Variants in CLIC4 observed in about 807,000 individuals in gnomAD.
CLIC4 encodes chloride intracellular channel protein 4.
CLIC4 carries 13 observed loss-of-function variants against 24.6 expected under a neutral mutation model. The ratio of observed to expected loss-of-function variants is 0.53; its 90% CI spans 0.34 to 0.84. CLIC4 has a LOEUF of 0.84. CLIC4 is among the 40% of genes least tolerant of loss of function. CLIC4 has a pLI of 0.01. For missense variants in CLIC4, 227 were observed against 301.7 expected (o/e 0.75, Z 1.83); for synonymous variants, 104 against 111.3 (o/e 0.93, Z 0.41).
chr1:24,760,859 T>C (rs1225294122), intron 1 of CLIC4, among the ~76,000 whole-genome samples: 2 of 152,046 alleles, frequency 1.3e-5, no homozygotes, highest in Non-Finnish European at 2.9e-5. Context: ...TTGACAATGA[T>C]AGGGGGTGCT....
chr1:24,778,939 C>T (rs968299303), intron 1 of CLIC4, among the ~76,000 whole-genome samples: 1 of 152,096 alleles, frequency 6.6e-6, no homozygotes, highest in Non-Finnish European at 1.5e-5. Context: ...AAGAAACTCA[C>T]GACATTAATT....
intron 4 of CLIC4, among the ~76,000 whole-genome samples, chr1:24,828,285 A>T (rs1442969135): frequency 6.6e-6 from 1 of 152,172 alleles, no homozygotes; most frequent in East Asian, 1.9e-4. Flanking sequence ...GAAAAATGTT[A>T]GTGCTCAGGT....
intron 3 of CLIC4, among the ~76,000 whole-genome samples, chr1:24,823,034 GAGA>G (rs1280993834): frequency 3.3e-5 from 5 of 152,156 alleles, no homozygotes; most frequent in African/African-American, 1.2e-4. Flanking sequence ...GGAGAAAAAG[GAGA>G]AGAATTGTGC....
rs1173950006 is a variant in CLIC4 at position 24,809,546 on chromosome 1, C to G, written c.183-4548C>G. ...AGTGCAGTGGTGCAATCTCAGCTCA[C>G]TGTAACCTCCGCCTTCCAGCAATTC... On this transcript the variant is annotated intron_variant, in intron 2 of 5. Coordinates refer to ENST00000374379, the MANE Select transcript of CLIC4 (RefSeq NM_013943.3). Among the ~76,000 whole-genome samples the G allele has an allele frequency of 2.0e-5, 3 of 152,198 alleles. No homozygotes were observed. In the East Asian group the frequency reaches 5.8e-4, roughly 29 times the overall value.
intron 2 of CLIC4, 92 bp from the exon 3 acceptor site, chr1:24,814,002 C>A: frequency 6.7e-7 from 1 of 1,488,724 alleles, no homozygotes; most frequent in Non-Finnish European, 9.3e-7. Flanking sequence ...CAGACGCAAG[C>A]CACCGTGCCT....
chr1:24,774,403 G>T (rs1447810137), intron 1 of CLIC4, among the ~76,000 whole-genome samples: 1 of 152,238 alleles, frequency 6.6e-6, no homozygotes, highest in Non-Finnish European at 1.5e-5. Context: ...ATCTGAAAAT[G>T]TCTTGACTTC....
At chr1:24,811,771 C>T (rs1639617934) in intron 2 of CLIC4, among the ~76,000 whole-genome samples, 2 of 151,696 alleles carry the variant, frequency 1.3e-5, no homozygotes, top group South Asian at 4.2e-4. Context: ...TGAGCCACTG[C>T]ACCCAGCCTG....
chr1:24,831,079 T>G (rs1369802563), intron 4 of CLIC4, among the ~76,000 whole-genome samples: 1 of 152,244 alleles, frequency 6.6e-6, no homozygotes, highest in Non-Finnish European at 1.5e-5. Flanking sequence ...TTCATTAATA[T>G]ACCCTTGTTA....
At chr1:24,840,112 G>T in intron 5 of CLIC4, 71 bp downstream of exon 5, 1 of 1,409,494 alleles carries the variant, frequency 7.1e-7, no homozygotes. Flanking sequence ...CATTTCCTTT[G>T]TGCTCAAAAC....
At chr1:24,776,413 C>T (rs1639141448) in intron 1 of CLIC4, among the ~76,000 whole-genome samples, 1 of 152,178 alleles carries the variant, frequency 6.6e-6, no homozygotes, top group Non-Finnish European at 1.5e-5. Flanking sequence ...TCTCCAGTGC[C>T]TTCAGGTGTT....
Position 24,808,990 on chromosome 1 carries a change from T to G in CLIC4, c.183-5104T>G, listed in dbSNP as rs548638666. 2.6e-5 allele frequency among the ~76,000 whole-genome samples: 4 copies of G among 152,220 alleles called. 1 individual carries two copies. The South Asian group carries it at 8.3e-4, about 32-fold the overall frequency. ...ACTGCACATGGCCTTTTAAAAAATA[T>G]TTTTGATCCTCAGTTGGTTGAATCC... On this transcript the variant is annotated intron_variant, in intron 2 of 5. Coordinates refer to ENST00000374379, the MANE Select transcript of CLIC4 (RefSeq NM_013943.3).
chr1:24,815,456 C>G (rs1320822473), intron 3 of CLIC4, among the ~76,000 whole-genome samples: 2 of 152,124 alleles, frequency 1.3e-5, no homozygotes, highest in Non-Finnish European at 2.9e-5. Context: ...GAGCCAAGAT[C>G]GTGCCACTGC....
chr1:24,790,181 C>T lies in CLIC4; in HGVS notation c.73-7561C>T, dbSNP rs1055626376. Among the ~76,000 whole-genome samples the T allele has an allele frequency of 3.3e-5, 5 of 152,234 alleles. No homozygotes were observed. The East Asian group carries it at 5.8e-4, about 18-fold the overall frequency. Reference sequence around the variant, plus strand: ...CTGCCTGCCAGGTTCAAGCAATTCTCCTGCCCCAGCCTCCCGAGTGGCTGG... The same window carrying T: ...CTGCCTGCCAGGTTCAAGCAATTCTTCTGCCCCAGCCTCCCGAGTGGCTGG... On this transcript the variant is annotated intron_variant, in intron 1 of 5. Transcript: ENST00000374379.
chr1:24,779,066 A>G (rs1007523625), intron 1 of CLIC4, among the ~76,000 whole-genome samples: 1 of 152,236 alleles, frequency 6.6e-6, no homozygotes, highest in Admixed American at 6.5e-5. Context: ...AGAGACAGTA[A>G]TGAGATTATC....
intron 1 of CLIC4, among the ~76,000 whole-genome samples, chr1:24,796,438 C>T (rs1054187724): frequency 5.3e-5 from 8 of 151,864 alleles, no homozygotes; most frequent in Admixed American, 1.3e-4. Context: ...CTGCCCTCCT[C>T]GGCCTCCCAA....
In CLIC4 at chr1:24,839,963, T is replaced by C. The variant is rs1032164571; in HGVS notation, c.519T>C (p.Phe173=). Residue 173 remains phenylalanine, a synonymous_variant, in exon 5 of 6, where the codon TTT becomes TTC. Coordinates refer to ENST00000374379, the MANE Select transcript of CLIC4 (RefSeq NM_013943.3). ...AAAATAGTATGGAGGACATAAAGTTTTCTACACGTAAATTTCTGGATGGCA... is the reference window on the plus strand; with the variant it reads ...AAAATAGTATGGAGGACATAAAGTTCTCTACACGTAAATTTCTGGATGGCA... The part of the protein sequence containing the change: ...IDENSMEDIK[F]STRKFLDGNE... 2 of 1,613,954 alleles carry C rather than the reference T, an allele frequency of 1.2e-6. No homozygotes were observed. The highest frequency in any genetic ancestry group is 2.7e-5 in the African/African-American group (2 of 74,932).
At chr1:24,827,154 A>C in intron 4 of CLIC4, 38 bp downstream of exon 4, 1 of 1,256,182 alleles carries the variant, frequency 8.0e-7, no homozygotes, top group Non-Finnish European at 1.1e-6. Flanking sequence ...TGCAACAAAA[A>C]ACCCCAAACA....
chr1:24,758,642 A>G (rs965775808), intron 1 of CLIC4, among the ~76,000 whole-genome samples: 1 of 151,898 alleles, frequency 6.6e-6, no homozygotes, highest in Admixed American at 6.6e-5. Flanking sequence ...TTTTTAGTAG[A>G]GACAGGGTTT....
intron 1 of CLIC4, among the ~76,000 whole-genome samples, chr1:24,760,422 T>G (rs889801635): frequency 2.6e-5 from 4 of 152,062 alleles, no homozygotes; most frequent in African/African-American, 9.7e-5. Flanking sequence ...CCCTAGTTGT[T>G]TATTGAATTA....
Sources: allele counts gnomAD v4.1 joint callset (sites outside exome capture counted in the v4.1 genomes callset), GRCh38; gene constraint gnomAD v4.1.1; transcripts MANE v1.5; gene names NCBI Gene and HGNC (gene_info 2026-07-23, HGNC 2026-07-21).